SKI: variants seen among roughly 807,000 people sequenced by gnomAD.
SKI encodes SKI proto-oncogene.
SKI carries 23 observed loss-of-function variants against 59.3 expected under a neutral mutation model. The observed-to-expected ratio is 0.39, with a 90% CI of 0.28 to 0.55. SKI has a LOEUF of 0.55. Among genes scored for constraint, SKI ranks in the 20% least tolerant of loss-of-function variants. The pLI is 0.67. For missense variants in SKI, 1,017 were observed against 1,038.9 expected (o/e 0.98, Z 0.29); for synonymous variants, 673 against 488.6 (o/e 1.38, Z -4.98).
chr1:2,246,691 T>C (rs1245813759), intron 1 of SKI, among the ~76,000 whole-genome samples: 2 of 151,972 alleles, frequency 1.3e-5, no homozygotes, highest in Non-Finnish European at 2.9e-5. Flanking sequence ...AGGGCTTCTG[T>C]GTGATGAAGA....
chr1:2,275,499 G>T (rs1198674159), intron 1 of SKI, among the ~76,000 whole-genome samples: 1 of 152,114 alleles, frequency 6.6e-6, no homozygotes, highest in Admixed American at 6.5e-5. Flanking sequence ...GGGAGAGTTT[G>T]CTTTTTCCAG....
At chr1:2,262,061 A>G (rs1441622534) in intron 1 of SKI, among the ~76,000 whole-genome samples, 1 of 116,500 alleles carries the variant, frequency 8.6e-6, no homozygotes, top group Non-Finnish European at 1.7e-5. Context: ...AAGGCGTGGA[A>G]TCAGAGTTTG....
intron 1 of SKI, among the ~76,000 whole-genome samples, chr1:2,239,054 C>A (rs1569689019): frequency 6.6e-6 from 1 of 152,298 alleles, no homozygotes; most frequent in South Asian, 2.1e-4. Flanking sequence ...TCACCTGCTG[C>A]CTCCGCCTTT....
At chr1:2,271,532 C>T (rs962586973) in intron 1 of SKI, among the ~76,000 whole-genome samples, 4 of 152,152 alleles carry the variant, frequency 2.6e-5, no homozygotes, top group African/African-American at 4.8e-5. Flanking sequence ...GCGGAGTGCC[C>T]GGCTGCCCTC....
intron 1 of SKI, among the ~76,000 whole-genome samples, chr1:2,232,285 T>C (rs1008617681): frequency 6.6e-6 from 1 of 152,240 alleles, no homozygotes; most frequent in Non-Finnish European, 1.5e-5. Flanking sequence ...CTTCGGGCTC[T>C]GCGGAGCCGG....
rs777998148 is a variant in SKI at position 2,229,471 on chromosome 1, G to A, written c.705G>A (p.Glu235=). Residue 235 remains glutamate, a synonymous_variant, in exon 1 of 7, where the codon GAG becomes GAA. Coordinates refer to ENST00000378536, the MANE Select transcript of SKI (RefSeq NM_003036.4). The surrounding 1 kb of genome is among the most constrained non-coding windows in gnomAD (Gnocchi z 6.3). The stretch of plus-strand genomic sequence containing the variant: ...AGTGTAAGGGGCTGCTGGTGCCCGA[G>A]CTCTACAGCAGCCCGAGCGCCGCCT... ...FGKCKGLLVP[E]LYSSPSAACI... is the part of the protein sequence containing the mutation. 6.2e-7 allele frequency: 1 copy of A among 1,611,892 alleles called. No individual in the cohort carries two copies. The highest frequency in any genetic ancestry group is 1.1e-5 in the South Asian group (1 of 91,068).
At chr1:2,252,137 G>A (rs778919050) in intron 1 of SKI, among the ~76,000 whole-genome samples, 21 of 152,238 alleles carry the variant, frequency 1.4e-4, no homozygotes, top group Non-Finnish European at 2.6e-4. Context: ...CCGAGGGCAG[G>A]TAGGGCGCTC....
At chr1:2,241,292 A>G (rs546089976) in intron 1 of SKI, among the ~76,000 whole-genome samples, 1 of 152,304 alleles carries the variant, frequency 6.6e-6, no homozygotes, top group East Asian at 1.9e-4. Context: ...TGAAGTAGAG[A>G]GATTAGCTCA....
chr1:2,296,216 G>GA (rs1328928427), intron 1 of SKI, among the ~76,000 whole-genome samples: 12 of 136,640 alleles, frequency 8.8e-5, no homozygotes, highest in East Asian at 2.1e-4. Flanking sequence ...TTGTCTCTAG[G>GA]AAAAAAAACA....
At position 2,228,717 on chromosome 1, in the gene SKI, G is replaced by A. The variant is rs1638557918; in HGVS notation, c.-50G>A. 4.0e-6 allele frequency: 4 copies of A among 999,670 alleles called. No individual in the cohort carries two copies. The highest frequency in any genetic ancestry group is 6.1e-5 in the Admixed American group (1 of 16,394). The allele number at this position is 999,670 out of a possible 1,614,324, so 61.9% of individuals were successfully genotyped here. The stretch of plus-strand genomic sequence containing the variant: ...GCGCGGGGCGGCGGCGGGGGCCGGG[G>A]GGGCCCGGGCGCGCGGGAGCGGGAG... On this transcript the variant is annotated 5_prime_UTR_variant, in exon 1 of 7. Transcript: ENST00000378536.
At chr1:2,258,409 A>C (rs1639317769) in intron 1 of SKI, among the ~76,000 whole-genome samples, 1 of 152,044 alleles carries the variant, frequency 6.6e-6, no homozygotes, top group Non-Finnish European at 1.5e-5. Flanking sequence ...TCATGGAAGA[A>C]CAGCAGAGGC....
chr1:2,264,056 C>G (rs965592997), intron 1 of SKI, among the ~76,000 whole-genome samples: 2 of 151,762 alleles, frequency 1.3e-5, no homozygotes, highest in African/African-American at 2.4e-5. Context: ...AAAACCTACT[C>G]GGACCCAGAG....
chr1:2,244,973 C>T (rs916939410), intron 1 of SKI, among the ~76,000 whole-genome samples: 1 of 152,184 alleles, frequency 6.6e-6, no homozygotes, highest in Non-Finnish European at 1.5e-5. Flanking sequence ...ACTGGAAGAT[C>T]TAACAATAAT....
chr1:2,302,906 C>T lies in SKI; in HGVS notation c.970-72C>T, dbSNP rs1404777739. 6.2e-6 allele frequency: 10 copies of T among 1,605,960 alleles called. No homozygotes were observed. In the South Asian group the frequency reaches 8.8e-5, roughly 14 times the overall value. On this transcript the variant is annotated intron_variant, in intron 1 of 6. Coordinates refer to ENST00000378536, the MANE Select transcript of SKI (RefSeq NM_003036.4). ...GCATGGGGCTCTGACTGCCATGTGCCAGCCACGGGGCTGGTGGAGGGACCC... is the reference window on the plus strand; with the variant it reads ...GCATGGGGCTCTGACTGCCATGTGCTAGCCACGGGGCTGGTGGAGGGACCC...
chr1:2,240,799 G>A (rs758870273), intron 1 of SKI: 343 of 985,440 alleles, frequency 3.5e-4, no homozygotes, highest in Middle Eastern at 1.0e-3. Context: ...TCAGGTGAGA[G>A]GCGCGAGAAA....
chr1:2,250,749 C>T (rs948547962), intron 1 of SKI, among the ~76,000 whole-genome samples: 2 of 152,268 alleles, frequency 1.3e-5, no homozygotes, highest in South Asian at 2.1e-4. Context: ...GTGTCTGCCA[C>T]GCCCTCTTCA....
In SKI at chr1:2,229,018, C is replaced by G; in HGVS notation, c.252C>G (p.Pro84=). 1.3e-6 allele frequency: 2 copies of G among 1,592,042 alleles called. No individual in the cohort carries two copies. The highest frequency in any genetic ancestry group is 1.7e-6 in the Non-Finnish European group (2 of 1,175,402). ...LHLPAIQPPP[P]VLPGPFFMPS... ...TGCCCGCCATCCAGCCGCCGCCGCC[C>G]GTGCTGCCCGGGCCCTTCTTCATGC... Residue 84 remains proline (P), a synonymous_variant, in exon 1 of 7, where the codon CCC becomes CCG. Transcript: ENST00000378536. The surrounding 1 kb of genome is among the most constrained non-coding windows in gnomAD (Gnocchi z 6.3).
In SKI at chr1:2,303,259, TCA is replaced by T. The variant is rs765358768; in HGVS notation, c.1096-21_1096-20del. ...AGTGGCTTGTTTTTCTCCTGGTCAC[TCA>T]CACAGACAACTCTTTCTCGACAGAG... On this transcript the variant is annotated intron_variant, in intron 2 of 6. Coordinates refer to ENST00000378536, the MANE Select transcript of SKI (RefSeq NM_003036.4). The surrounding 1 kb of genome is among the most constrained non-coding windows in gnomAD (Gnocchi z 5.6). The T allele has an allele frequency of 6.2e-7, 1 of 1,610,102 alleles. No individual in the cohort carries two copies. The highest frequency in any genetic ancestry group is 1.7e-5 in the Admixed American group (1 of 60,024).
At chr1:2,241,223 C>T (rs761979859) in intron 1 of SKI, among the ~76,000 whole-genome samples, 2 of 152,208 alleles carry the variant, frequency 1.3e-5, no homozygotes, top group Non-Finnish European at 2.9e-5. Context: ...GAACTTGCGG[C>T]TTAAATATGT....
Sources: allele counts gnomAD v4.1 joint callset (sites outside exome capture counted in the v4.1 genomes callset), GRCh38; gene constraint gnomAD v4.1.1; non-coding constraint Gnocchi (gnomAD v3.1); transcripts MANE v1.5; gene names NCBI Gene and HGNC (gene_info 2026-07-23, HGNC 2026-07-21).